Variants in NLGN1 observed in about 807,000 individuals in gnomAD.
NLGN1 encodes the protein neuroligin-1.
In NLGN1, 12 loss-of-function variants were observed where a neutral mutation model predicts 65.5. The ratio of observed to expected loss-of-function variants is 0.18; its 90% CI spans 0.12 to 0.30. The LOEUF (loss-of-function observed/expected upper bound fraction) is 0.30, where lower values mean the gene tolerates loss of function less well. NLGN1 is among the 10% of genes least tolerant of loss of function. The probability of loss-of-function intolerance (pLI) is 1.00; values close to 1 mark genes in which losing one functional copy is unlikely to be tolerated. For synonymous variants in NLGN1, 350 were observed against 359.5 expected (o/e 0.97, Z 0.30); for missense variants, 750 against 1,007.1 (o/e 0.74, Z 3.46).
At chr3:174,119,318 C>T (rs574809594) in intron 4 of NLGN1, among the ~76,000 whole-genome samples, 2 of 152,198 alleles carry the variant, frequency 1.3e-5, no homozygotes, top group East Asian at 1.9e-4. Context: ...GTATTTTCTA[C>T]AATTTGTTTC....
chr3:173,601,475 C>A (rs939746681), intron 2 of NLGN1, among the ~76,000 whole-genome samples: 3 of 152,040 alleles, frequency 2.0e-5, no homozygotes, highest in South Asian at 2.1e-4. Flanking sequence ...ATATAATATT[C>A]TTTTACATAC....
intron 4 of NLGN1, among the ~76,000 whole-genome samples, chr3:174,272,525 G>A (rs1200925805): frequency 6.6e-6 from 1 of 151,662 alleles, no homozygotes; most frequent in Non-Finnish European, 1.5e-5. Flanking sequence ...CAGGTCTGAA[G>A]ACATGTTATT....
At chr3:174,232,469 T>A (rs1244320803) in intron 4 of NLGN1, among the ~76,000 whole-genome samples, 2 of 152,136 alleles carry the variant, frequency 1.3e-5, no homozygotes, top group South Asian at 2.1e-4. Flanking sequence ...CTCTAAAGGT[T>A]TGCTAAAAAT....
intron 4 of NLGN1, among the ~76,000 whole-genome samples, chr3:174,036,808 T>G (rs1731234735): frequency 6.6e-6 from 1 of 152,086 alleles, no homozygotes; most frequent in South Asian, 2.1e-4. Flanking sequence ...TCTGTGTCCA[T>G]GTGTTCCCAT....
At chr3:173,478,418 G>A (rs544515326) in intron 2 of NLGN1, among the ~76,000 whole-genome samples, 5 of 152,136 alleles carry the variant, frequency 3.3e-5, no homozygotes, top group African/African-American at 7.2e-5. Context: ...GGGAGGGAGA[G>A]CATCAGGATA....
chr3:173,669,664 A>C (rs553473283), intron 3 of NLGN1, among the ~76,000 whole-genome samples: 1 of 152,354 alleles, frequency 6.6e-6, no homozygotes, highest in East Asian at 1.9e-4. Flanking sequence ...AGACTTCAAT[A>C]GGTGAATTTG....
intron 4 of NLGN1, among the ~76,000 whole-genome samples, chr3:174,263,674 C>T (rs909226806): frequency 2.0e-5 from 3 of 151,698 alleles, no homozygotes; most frequent in Non-Finnish European, 2.9e-5. Context: ...GAGCATTTAG[C>T]CCATTTACAT....
chr3:173,886,166 T>C (rs1250208949), intron 4 of NLGN1, among the ~76,000 whole-genome samples: 1 of 152,110 alleles, frequency 6.6e-6, no homozygotes, highest in African/African-American at 2.4e-5. Flanking sequence ...ACATGTGTAC[T>C]GTTCAATGAA....
At chr3:173,585,897 A>C (rs1449122378) in intron 2 of NLGN1, among the ~76,000 whole-genome samples, 2 of 152,166 alleles carry the variant, frequency 1.3e-5, no homozygotes, top group African/African-American at 2.4e-5. Context: ...CTTTATTTGC[A>C]GAAGGAAATC....
intron 2 of NLGN1, among the ~76,000 whole-genome samples, chr3:173,512,286 G>C (rs547825498): frequency 2.9e-4 from 44 of 152,318 alleles, no homozygotes; most frequent in African/African-American, 9.6e-4. Flanking sequence ...ATTCTAGTCT[G>C]GTGCCCAAGA....
chr3:173,799,147 G>A (rs1341424855), intron 3 of NLGN1, among the ~76,000 whole-genome samples: 2 of 151,596 alleles, frequency 1.3e-5, no homozygotes, highest in Non-Finnish European at 2.9e-5. Flanking sequence ...GTTATTTTAT[G>A]CATGACAAAA....
chr3:174,055,905 A>ATT (rs933319074), intron 4 of NLGN1, among the ~76,000 whole-genome samples: 2 of 146,092 alleles, frequency 1.4e-5, no homozygotes, highest in Non-Finnish European at 3.0e-5. Flanking sequence ...GTGGACATTG[A>ATT]TTTTTTTTTT....
intron 4 of NLGN1, among the ~76,000 whole-genome samples, chr3:174,031,992 A>T (rs533764618): frequency 6.6e-6 from 1 of 152,156 alleles, no homozygotes; most frequent in African/African-American, 2.4e-5. Context: ...ATCATAAGAA[A>T]GTTAAAAAAC....
At chr3:173,736,110 AGAC>A (rs971988489) in intron 3 of NLGN1, among the ~76,000 whole-genome samples, 7 of 152,038 alleles carry the variant, frequency 4.6e-5, no homozygotes, top group African/African-American at 1.4e-4. Context: ...CCTAGGTTAG[AGAC>A]AAGATAACAG....
chr3:173,872,707 C>T (rs1363065591), intron 4 of NLGN1, among the ~76,000 whole-genome samples: 3 of 152,046 alleles, frequency 2.0e-5, no homozygotes, highest in East Asian at 3.9e-4. Context: ...GAGGTCCTGC[C>T]GACTTGCTTC....
chr3:173,824,823 G>A (rs1721011726), intron 4 of NLGN1, among the ~76,000 whole-genome samples: 2 of 151,988 alleles, frequency 1.3e-5, no homozygotes, highest in African/African-American at 4.8e-5. Flanking sequence ...GTGACGTTGT[G>A]TACTGATTTA....
In NLGN1 at chr3:173,532,779, T is replaced by C. The variant is rs77166956; in HGVS notation, c.-320-71500T>C. On this transcript the variant is annotated intron_variant, in intron 2 of 6. Coordinates refer to ENST00000457714, the Ensembl canonical transcript of NLGN1. Reference sequence around the variant, plus strand: ...GTTGGTATAGGTTATGCCACAGTCATAATCACAAAACCTTAGTGACTCACA... The same window carrying C: ...GTTGGTATAGGTTATGCCACAGTCACAATCACAAAACCTTAGTGACTCACA... 5.3e-3 allele frequency among the ~76,000 whole-genome samples: 811 copies of C among 152,336 alleles called. 20 individuals carry two copies. In the South Asian group the frequency reaches 0.056, roughly 10 times the overall value.
chr3:173,914,209 A>G (rs765161451), intron 4 of NLGN1, among the ~76,000 whole-genome samples: 8 of 152,160 alleles, frequency 5.3e-5, no homozygotes, highest in Non-Finnish European at 1.2e-4. Flanking sequence ...TTTTAGTGAC[A>G]GAAGTATCCC....
intron 3 of NLGN1, among the ~76,000 whole-genome samples, chr3:173,675,984 T>C (rs1011981066): frequency 3.3e-5 from 5 of 151,922 alleles, no homozygotes; most frequent in Admixed American, 3.3e-4. Context: ...AATGTTAATA[T>C]GCTGGTTATG....
Sources: gnomAD v4.1 joint callset for allele counts (sites outside exome capture counted in the v4.1 genomes callset) on GRCh38, gnomAD v4.1.1 for gene constraint, MANE v1.5 for transcripts, NCBI Gene and HGNC (gene_info 2026-07-23, HGNC 2026-07-21) for gene names.